The following RFX4 variants were observed in gnomAD, a reference collection of about 807,000 sequenced individuals.
The protein encoded by RFX4 is regulatory factor X4, also known as transcription factor RFX4.
Under a neutral mutation model 95.0 loss-of-function variants are expected in RFX4, and 10 were observed. That is an observed-to-expected ratio of 0.11 (90% CI 0.06 to 0.18). The LOEUF is 0.18. RFX4 is among the 10% of genes least tolerant of loss of function. The pLI is 1.00. For missense variants in RFX4, 640 were observed against 922.0 expected (o/e 0.69, Z 3.96); for synonymous variants, 321 against 340.7 (o/e 0.94, Z 0.64).
At chr12:106,614,675 A>AT (rs2040037560) in intron 2 of RFX4, among the ~76,000 whole-genome samples, 1 of 150,466 alleles carries the variant, frequency 6.6e-6, no homozygotes, top group Non-Finnish European at 1.5e-5. Context: ...CGCCCGGCTA[A>AT]TTTTTTTGTA....
At chr12:106,639,301 G>A (rs369396647) in intron 2 of RFX4, 31 bp from the exon 3 acceptor site, 13 of 1,599,912 alleles carry the variant, frequency 8.1e-6, no homozygotes, top group Non-Finnish European at 1.1e-5. Flanking sequence ...GTTTCCTACT[G>A]AAGTTAGCTT....
chr12:106,663,906 G>C (rs368135504), intron 4 of RFX4, among the ~76,000 whole-genome samples: 3 of 151,758 alleles, frequency 2.0e-5, no homozygotes, highest in East Asian at 3.9e-4. Flanking sequence ...GTATATCTGG[G>C]ATAAATCCCA....
At chr12:106,739,269 A>T (rs1432349458) in intron 15 of RFX4, among the ~76,000 whole-genome samples, 1 of 152,224 alleles carries the variant, frequency 6.6e-6, no homozygotes, top group African/African-American at 2.4e-5. Flanking sequence ...CATATCGTTG[A>T]TCAGACAATG....
At chr12:106,717,000 CAAA>C (rs71311249) in intron 11 of RFX4, among the ~76,000 whole-genome samples, 4 of 60,510 alleles carry the variant, frequency 6.6e-5, no homozygotes, top group African/African-American at 1.2e-4. Flanking sequence ...GCACAGGAGA[CAAA>C]AAAAAAAAAA....
At chr12:106,657,053 G>A (rs1253745482) in intron 4 of RFX4, among the ~76,000 whole-genome samples, 4 of 152,174 alleles carry the variant, frequency 2.6e-5, no homozygotes, top group Non-Finnish European at 4.4e-5. Flanking sequence ...TGCCTGCTAA[G>A]GGTTTCCACA....
At chr12:106,666,221 A>C (rs897392086) in intron 4 of RFX4, among the ~76,000 whole-genome samples, 3 of 152,024 alleles carry the variant, frequency 2.0e-5, no homozygotes, top group Non-Finnish European at 4.4e-5. Context: ...TCTTGTTTAC[A>C]TGATTTCCAA....
intron 17 of RFX4, among the ~76,000 whole-genome samples, chr12:106,754,576 T>G (rs2043075100): frequency 6.6e-6 from 1 of 152,130 alleles, no homozygotes; most frequent in Admixed American, 6.5e-5. Context: ...AGGAGCTGGT[T>G]TTCTGGGGTG....
intron 15 of RFX4, among the ~76,000 whole-genome samples, chr12:106,734,885 A>AC (rs1165156927): frequency 1.3e-5 from 2 of 149,110 alleles, no homozygotes; most frequent in Non-Finnish European, 3.0e-5. Flanking sequence ...ATATATTGAG[A>AC]CCCCCATCTC....
intron 8 of RFX4, among the ~76,000 whole-genome samples, chr12:106,702,517 C>T (rs1342972882): frequency 6.6e-6 from 1 of 152,314 alleles, no homozygotes; most frequent in African/African-American, 2.4e-5. Flanking sequence ...CCTATGCACA[C>T]AGTTGCTTAA....
At chr12:106,757,795 T>G (rs1052243421) in intron 17 of RFX4, among the ~76,000 whole-genome samples, 5 of 152,200 alleles carry the variant, frequency 3.3e-5, no homozygotes, top group Admixed American at 6.5e-5. Context: ...TCCCTCTCCA[T>G]GTGTAGGAAA....
chr12:106,725,559 C>G (rs770227064), intron 13 of RFX4, among the ~76,000 whole-genome samples: 1 of 152,090 alleles, frequency 6.6e-6, no homozygotes, highest in Non-Finnish European at 1.5e-5. Flanking sequence ...TTTAGGAATA[C>G]TAGGTAACTT....
At chr12:106,667,569 C>T (rs958319083) in intron 4 of RFX4, among the ~76,000 whole-genome samples, 15 of 152,292 alleles carry the variant, frequency 9.8e-5, no homozygotes, top group African/African-American at 3.4e-4. Context: ...GCCTTGTCTG[C>T]ATTAAGCCTT....
At chr12:106,620,510 C>A (rs1402567309) in intron 2 of RFX4, among the ~76,000 whole-genome samples, 1 of 152,012 alleles carries the variant, frequency 6.6e-6, no homozygotes, top group African/African-American at 2.4e-5. Flanking sequence ...AAAAGCAGAA[C>A]AAAGATCACA....
intron 5 of RFX4, chr12:106,685,036 A>G: frequency 1.3e-6 from 2 of 1,508,876 alleles, no homozygotes; most frequent in South Asian, 1.3e-5. Flanking sequence ...CTTTCATTGT[A>G]TCTCCATGGG....
At chr12:106,694,794 G>A (rs1237288944) in intron 7 of RFX4, among the ~76,000 whole-genome samples, 1 of 152,068 alleles carries the variant, frequency 6.6e-6, no homozygotes, top group African/African-American at 2.4e-5. Context: ...CAGGACTTTG[G>A]GAGGCCGAGG....
At chr12:106,654,453 GTACT>G (rs2040916741) in intron 4 of RFX4, 102 bp downstream of exon 4, 4 of 1,356,468 alleles carry the variant, frequency 2.9e-6, no homozygotes, top group Non-Finnish European at 2.9e-6. Flanking sequence ...AGTTATCAAA[GTACT>G]TACTTACTTT....
intron 2 of RFX4, among the ~76,000 whole-genome samples, chr12:106,633,324 C>A (rs1201855614): frequency 1.3e-5 from 2 of 152,188 alleles, no homozygotes; most frequent in Non-Finnish European, 2.9e-5. Context: ...TTTCCATTCA[C>A]CAGCTACATG....
At chr12:106,732,370 G>A in intron 14 of RFX4, 121 bp downstream of exon 14, 7 of 1,372,694 alleles carry the variant, frequency 5.1e-6, no homozygotes, top group Non-Finnish European at 7.0e-6. Flanking sequence ...AACAGGTTAA[G>A]TGGTATCAAA....
chr12:106,717,207 A>G (rs1302859575), intron 11 of RFX4, among the ~76,000 whole-genome samples: 2 of 152,046 alleles, frequency 1.3e-5, no homozygotes, highest in African/African-American at 4.8e-5. Context: ...CCAGGCACAG[A>G]GCAGGTGTCC....
Sources: gnomAD v4.1 joint callset for allele counts (sites outside exome capture counted in the v4.1 genomes callset) on GRCh38, gnomAD v4.1.1 for gene constraint, MANE v1.5 for transcripts, NCBI Gene and HGNC (gene_info 2026-07-23, HGNC 2026-07-21) for gene names.